JHY: variants seen among roughly 807,000 people sequenced by gnomAD.
The protein encoded by JHY is jhy protein homolog.
JHY carries 69 observed loss-of-function variants against 78.0 expected under a neutral mutation model. The ratio of observed to expected loss-of-function variants is 0.88; its 90% CI spans 0.73 to 1.08. JHY has a LOEUF of 1.08. Among genes scored for constraint, JHY ranks in the 50% least tolerant of loss-of-function variants. The pLI is 0.00. For missense variants in JHY, 944 were observed against 927.8 expected, an observed-to-expected ratio of 1.02 and a Z score of -0.23; for synonymous variants, 368 against 342.6, an observed-to-expected ratio of 1.07 and a Z score of -0.82.
At chr11:122,929,715 T>C (rs1863598321) in intron 4 of JHY, among the ~76,000 whole-genome samples, 1 of 152,178 alleles carries the variant, frequency 6.6e-6, no homozygotes, top group Non-Finnish European at 1.5e-5. Flanking sequence ...CAAACAATAA[T>C]AATTACATAT....
intron 2 of JHY, among the ~76,000 whole-genome samples, chr11:122,892,779 A>G (rs1862652394): frequency 6.6e-6 from 1 of 152,170 alleles, no homozygotes; most frequent in Non-Finnish European, 1.5e-5. Flanking sequence ...ACAGGTAGAG[A>G]AAGACTTAGG....
At chr11:122,912,110 A>T (rs1863141513) in intron 3 of JHY, among the ~76,000 whole-genome samples, 1 of 151,646 alleles carries the variant, frequency 6.6e-6, no homozygotes, top group Admixed American at 6.6e-5. Flanking sequence ...AACATGGTGA[A>T]ACCCCGTCTA....
chr11:122,927,416 A>G (rs1863530857), intron 4 of JHY, among the ~76,000 whole-genome samples: 1 of 152,214 alleles, frequency 6.6e-6, no homozygotes, highest in South Asian at 2.1e-4. Flanking sequence ...AAATGGCCTA[A>G]GGGATGTTTC....
intron 6 of JHY, among the ~76,000 whole-genome samples, chr11:122,954,540 T>C (rs1317716174): frequency 6.6e-6 from 1 of 152,222 alleles, no homozygotes; most frequent in African/African-American, 2.4e-5. Flanking sequence ...TGAGAAAATG[T>C]CCTATTTTAA....
intron 3 of JHY, among the ~76,000 whole-genome samples, chr11:122,920,779 A>G (rs1863346242): frequency 6.6e-6 from 1 of 152,190 alleles, no homozygotes; most frequent in African/African-American, 2.4e-5. Context: ...ACACCTCATC[A>G]AGATTGCCTG....
Position 122,961,064 on chromosome 11 carries a change from G to C in JHY, c.*1619G>C, listed in dbSNP as rs114134726. The C allele has an allele frequency of 5.5e-5, 58 of 1,059,052 alleles. No homozygotes were observed. The African/African-American group carries it at 7.5e-4, about 14-fold the overall frequency. The allele number at this position is 1,059,052 out of a possible 1,614,324, so 65.6% of individuals were successfully genotyped here. On this transcript the variant is annotated 3_prime_UTR_variant, in exon 9 of 9. Coordinates refer to ENST00000227349, the MANE Select transcript of JHY (RefSeq NM_024806.4). Reference sequence around the variant, plus strand: ...GGGACCTAAAGCTGTTGGCAAAGAAGACTCATGCACAGCCAGTTATGTAAA... The same window carrying C: ...GGGACCTAAAGCTGTTGGCAAAGAACACTCATGCACAGCCAGTTATGTAAA...
chr11:122,900,804 A>G (rs1458231743), intron 2 of JHY, among the ~76,000 whole-genome samples: 1 of 152,152 alleles, frequency 6.6e-6, no homozygotes, highest in Non-Finnish European at 1.5e-5. Context: ...ATCTTTCTGT[A>G]GTACATTAGA....
At chr11:122,953,861 TTTAGAA>T (rs1208581956) in intron 6 of JHY, among the ~76,000 whole-genome samples, 1 of 152,220 alleles carries the variant, frequency 6.6e-6, no homozygotes, top group African/African-American at 2.4e-5. Flanking sequence ...TGTTTTACTT[TTTAGAA>T]TTAGAATTAG....
intron 3 of JHY, among the ~76,000 whole-genome samples, chr11:122,913,937 T>TA (rs1294016740): frequency 2.0e-5 from 3 of 151,836 alleles, no homozygotes; most frequent in African/African-American, 7.3e-5. Context: ...AATGAAAAAA[T>TA]AAAAAAGCGG....
At position 122,961,316 on chromosome 11, in the gene JHY, G is replaced by A. The variant is rs535612748; in HGVS notation, c.*1871G>A. Among the ~76,000 whole-genome samples, 44 of 112,542 alleles carry A rather than the reference G, an allele frequency of 3.9e-4. No homozygotes were observed. Among genetic ancestry groups the A allele is most frequent in the African/African-American group, 1.3e-3 (43 of 32,950 alleles). The allele number at this position is 112,542 out of a possible 152,430, so 73.8% of individuals were successfully genotyped here. ...GTTGTTCCATGATCATTTTTTTATT[G>A]TTGTTTTTTTTGCTGTTGTTGTTGT... On this transcript the variant is annotated 3_prime_UTR_variant, in exon 9 of 9. Transcript: ENST00000227349.
At position 122,932,384 on chromosome 11, in the gene JHY, G is replaced by A. The variant is rs557010963; in HGVS notation, c.979-2036G>A. ...GAGTCCTTGGCCTTGTTGTCAGAGC[G>A]CCCTGTGAACAGGATTGTCAGCAGC... On this transcript the variant is annotated intron_variant, in intron 4 of 8. Transcript: ENST00000227349. Among the ~76,000 whole-genome samples the A allele has an allele frequency of 3.5e-4, 53 of 152,258 alleles. 1 individual carries two copies. The South Asian group carries it at 1.0e-2, about 29-fold the overall frequency.
intron 7 of JHY, among the ~76,000 whole-genome samples, chr11:122,957,019 A>T (rs1864207568): frequency 6.6e-6 from 1 of 152,214 alleles, no homozygotes; most frequent in South Asian, 2.1e-4. Context: ...TTTTAACTGC[A>T]GTTGCACTCA....
intron 4 of JHY, among the ~76,000 whole-genome samples, chr11:122,932,482 A>G (rs1863655795): frequency 6.6e-6 from 1 of 152,144 alleles, no homozygotes; most frequent in African/African-American, 2.4e-5. Flanking sequence ...ATTTCTGAGA[A>G]GTAAGTATTT....
At chr11:122,954,843 T>C (rs1864158086) in intron 6 of JHY, among the ~76,000 whole-genome samples, 2 of 152,132 alleles carry the variant, frequency 1.3e-5, no homozygotes, top group South Asian at 2.1e-4. Context: ...GATTTCAAAA[T>C]TGATAAAAAT....
chr11:122,905,164 C>T, intron 3 of JHY: 1 of 1,606,150 alleles, frequency 6.2e-7, no homozygotes, highest in South Asian at 1.1e-5. Context: ...CCTTCTCTTC[C>T]TCATCAGGTC....
rs1437108548 is a variant in JHY, at chr11:122,904,207, G to A, written c.627G>A (p.Pro209=). Residue 209 remains proline (P), a synonymous_variant, in exon 3 of 9, where the codon CCG becomes CCA. Coordinates refer to ENST00000227349, the MANE Select transcript of JHY (RefSeq NM_024806.4). ...NYEHGARRSK[P]FSELSDSDLE... is the part of the protein sequence containing the mutation. Reference sequence around the variant, plus strand: ...AGCATGGTGCCCGTCGCAGCAAGCCGTTTTCAGAGCTGAGCGACAGTGACC... The same window carrying A: ...AGCATGGTGCCCGTCGCAGCAAGCCATTTTCAGAGCTGAGCGACAGTGACC... 3 of 1,614,054 alleles carry A rather than the reference G, an allele frequency of 1.9e-6. No individual in the cohort carries two copies. The highest frequency in any genetic ancestry group is 2.5e-6 in the Non-Finnish European group (3 of 1,180,034).
intron 3 of JHY, among the ~76,000 whole-genome samples, chr11:122,904,944 A>G (rs148894812): frequency 1.2e-4 from 19 of 152,264 alleles, no homozygotes; most frequent in African/African-American, 4.6e-4. Flanking sequence ...CAGCTCACAT[A>G]CAGAAGCGAT....
intron 5 of JHY, among the ~76,000 whole-genome samples, chr11:122,936,275 A>T (rs888858895): frequency 6.6e-6 from 1 of 152,224 alleles, no homozygotes; most frequent in Non-Finnish European, 1.5e-5. Flanking sequence ...ACCTTCAAGG[A>T]ACTTGACTTT....
Position 122,959,486 on chromosome 11 carries a change from T to C in JHY, c.*41T>C. On this transcript the variant is annotated 3_prime_UTR_variant, in exon 9 of 9. Transcript: ENST00000227349. ...AAGGAGACCAAAAATGGTCCAGGAA[T>C]GAACGTGGAGAAAAGAAACGCCAAC... 1 of 1,584,778 alleles carries C rather than the reference T, an allele frequency of 6.3e-7. No homozygotes were observed. The highest frequency in any genetic ancestry group is 8.6e-7 in the Non-Finnish European group (1 of 1,157,160).
Sources: allele counts gnomAD v4.1 joint callset (sites outside exome capture counted in the v4.1 genomes callset), GRCh38; gene constraint gnomAD v4.1.1; transcripts MANE v1.5; gene names NCBI Gene and HGNC (gene_info 2026-07-23, HGNC 2026-07-21).